The following UBE2K variants were observed in gnomAD, a reference collection of about 807,000 sequenced individuals.
UBE2K encodes the protein ubiquitin-conjugating enzyme E2 K.
A neutral mutation model predicts 30.0 loss-of-function variants in UBE2K; 6 were observed. The ratio of observed to expected loss-of-function variants is 0.20; its 90% CI spans 0.11 to 0.39. UBE2K has a LOEUF of 0.39. Ranked by LOEUF, UBE2K falls within the 10% of genes least tolerant of loss-of-function variation. The pLI, the probability that UBE2K is intolerant of heterozygous loss-of-function variation, is 1.00. For missense variants in UBE2K, 61 were observed against 241.6 expected, an observed-to-expected ratio of 0.25 and a Z score of 4.96; for synonymous variants, 86 against 83.7, an observed-to-expected ratio of 1.03 and a Z score of -0.15.
At chr4:39,748,430 CATA>C (rs1721089034) in intron 3 of UBE2K, among the ~76,000 whole-genome samples, 1 of 151,860 alleles carries the variant, frequency 6.6e-6, no homozygotes, top group Non-Finnish European at 1.5e-5. Context: ...AGACTCAAAA[CATA>C]ATAACTGAAG....
chr4:39,771,075 A>C, intron 4 of UBE2K: 1 of 1,612,510 alleles, frequency 6.2e-7, no homozygotes, highest in South Asian at 1.1e-5. Context: ...GGCTGAGGGC[A>C]TTCTGGCATT....
At chr4:39,750,100 A>T (rs1466862571) in intron 3 of UBE2K, among the ~76,000 whole-genome samples, 3 of 152,138 alleles carry the variant, frequency 2.0e-5, no homozygotes, top group Non-Finnish European at 2.9e-5. Context: ...AGGCTGAGGC[A>T]GGAGAATCGC....
intron 1 of UBE2K, among the ~76,000 whole-genome samples, chr4:39,702,601 A>T (rs28449607): frequency 6.6e-6 from 1 of 152,038 alleles, no homozygotes; most frequent in African/African-American, 2.4e-5. Context: ...GGCATAAACA[A>T]ATTGGTTTCG....
At chr4:39,748,170 A>G (rs1483894069) in intron 3 of UBE2K, among the ~76,000 whole-genome samples, 2 of 152,280 alleles carry the variant, frequency 1.3e-5, no homozygotes, top group East Asian at 1.9e-4. Flanking sequence ...AGGCAGTTCA[A>G]CCTGTAACTT....
At chr4:39,736,310 A>G (rs1268107332) in intron 1 of UBE2K, among the ~76,000 whole-genome samples, 2 of 152,172 alleles carry the variant, frequency 1.3e-5, no homozygotes, top group African/African-American at 4.8e-5. Flanking sequence ...AAAATAACAA[A>G]AATTAGCTGA....
chr4:39,782,192 A>G lies in UBE2K; in HGVS notation c.*3758A>G, dbSNP rs930812217. 2 of 379,174 alleles carry G rather than the reference A, an allele frequency of 5.3e-6. No homozygotes were observed. The highest frequency in any genetic ancestry group is 9.4e-6 in the Non-Finnish European group (2 of 213,722). The allele number at this position is 379,174 out of a possible 1,614,324, so 23.5% of individuals were successfully genotyped here. On this transcript the variant is annotated 3_prime_UTR_variant, in exon 7 of 7. Transcript: ENST00000261427. ...GGTTATTTCAACCATGCTGCTATATATAATCAGGTGTGGCACAGTTTGTCA... is the reference window on the plus strand; with the variant it reads ...GGTTATTTCAACCATGCTGCTATATGTAATCAGGTGTGGCACAGTTTGTCA...
chr4:39,761,820 C>T (rs1711964976), intron 4 of UBE2K, among the ~76,000 whole-genome samples: 1 of 152,000 alleles, frequency 6.6e-6, no homozygotes, highest in African/African-American at 2.4e-5. Flanking sequence ...AAATTGCACA[C>T]ATTTCTTTAT....
At chr4:39,703,714 G>T (rs1296724217) in intron 1 of UBE2K, among the ~76,000 whole-genome samples, 1 of 151,788 alleles carries the variant, frequency 6.6e-6, no homozygotes, top group African/African-American at 2.4e-5. Context: ...GGGCATGGTG[G>T]TGAGTGCCTG....
intron 1 of UBE2K, among the ~76,000 whole-genome samples, chr4:39,704,028 G>A (rs769777403): frequency 1.1e-4 from 16 of 151,388 alleles, no homozygotes; most frequent in African/African-American, 1.5e-4. Flanking sequence ...AAAATTTCTC[G>A]CTTTTGATTT....
At chr4:39,733,033 GC>G (rs1720159664) in intron 1 of UBE2K, among the ~76,000 whole-genome samples, 1 of 117,472 alleles carries the variant, frequency 8.5e-6, no homozygotes, top group African/African-American at 3.1e-5. Context: ...ATGCCTTGAA[GC>G]CCCCAGGGAA....
In UBE2K at chr4:39,781,826, A is replaced by G. The variant is rs1713630141; in HGVS notation, c.*3392A>G. ...CAAGGAATTTCAATTCCAGGGTACAAACCATTGATTTAAAAATTACGTTTC... is the reference window on the plus strand; with the variant it reads ...CAAGGAATTTCAATTCCAGGGTACAGACCATTGATTTAAAAATTACGTTTC... On this transcript the variant is annotated 3_prime_UTR_variant, in exon 7 of 7. Transcript: ENST00000261427. The G allele has an allele frequency of 1.0e-5, 4 of 397,640 alleles. No individual in the cohort carries two copies. The Middle Eastern group carries it at 1.9e-3, about 188-fold the overall frequency. 24.6% of individuals were successfully genotyped at this position (397,640 alleles called of 1,614,324 possible). A position where few individuals can be genotyped will look rare whatever the true frequency, so the allele number is the denominator to read the frequency against.
intron 3 of UBE2K, among the ~76,000 whole-genome samples, chr4:39,754,875 G>A (rs1231617385): frequency 6.6e-6 from 1 of 152,144 alleles, no homozygotes; most frequent in Admixed American, 6.5e-5. Flanking sequence ...GGCTCAGCTG[G>A]TCATTGTCAT....
intron 4 of UBE2K, among the ~76,000 whole-genome samples, chr4:39,760,329 G>C (rs1156665190): frequency 2.6e-5 from 4 of 151,840 alleles, no homozygotes; most frequent in African/African-American, 9.7e-5. Flanking sequence ...TAGTGTCTAT[G>C]CCTACTTTTT....
rs781278062 is a variant in UBE2K, at chr4:39,778,438, A to G, written c.*4A>G. The G allele has an allele frequency of 1.2e-6, 2 of 1,604,462 alleles. No homozygotes were observed. The highest frequency in any genetic ancestry group is 1.3e-5 in the African/African-American group (1 of 74,694). On this transcript the variant is annotated 3_prime_UTR_variant, in exon 7 of 7. Transcript: ENST00000261427. The stretch of plus-strand genomic sequence containing the variant: ...AGAATTGCTTCTGAGTAACTGAGGC[A>G]TAGAGAGCTGCTGATATAGTCAAGC...
At chr4:39,750,324 G>A (rs1056059799) in intron 3 of UBE2K, among the ~76,000 whole-genome samples, 1 of 152,212 alleles carries the variant, frequency 6.6e-6, no homozygotes, top group Non-Finnish European at 1.5e-5. Context: ...AAACTAAAGA[G>A]TGAATGAAAT....
chr4:39,773,793 C>T (rs991019571), intron 4 of UBE2K, among the ~76,000 whole-genome samples: 2 of 150,810 alleles, frequency 1.3e-5, no homozygotes, highest in African/African-American at 4.9e-5. Flanking sequence ...TGGTGGCGGG[C>T]GCCTGTTGTC....
Position 39,757,010 on chromosome 4 carries a change from TG to T in UBE2K, c.299+1272del, listed in dbSNP as rs372722223. Among the ~76,000 whole-genome samples, 243 of 109,690 alleles carry T rather than the reference TG, an allele frequency of 2.2e-3. 1 individual carries two copies. Among genetic ancestry groups the T allele is most frequent in the African/African-American group, 8.4e-3 (224 of 26,730 alleles). 72.0% of individuals were successfully genotyped at this position (109,690 alleles called of 152,430 possible). On this transcript the variant is annotated intron_variant, in intron 4 of 6. Coordinates refer to ENST00000261427, the MANE Select transcript of UBE2K (RefSeq NM_005339.5). ...TATGTTTTTTTGGGTGTTTTTTTTTTGTTTTTTGTTTTTTGTTTTTTGTTTT... is the reference window on the plus strand; with the variant it reads ...TATGTTTTTTTGGGTGTTTTTTTTTTTTTTTTGTTTTTTGTTTTTTGTTTT...
chr4:39,776,435 A>C (rs1359157342), intron 5 of UBE2K, among the ~76,000 whole-genome samples: 3 of 152,158 alleles, frequency 2.0e-5, no homozygotes, highest in Non-Finnish European at 4.4e-5. Context: ...CTTCACTAAC[A>C]AAAACTTGTT....
intron 4 of UBE2K, among the ~76,000 whole-genome samples, chr4:39,757,007 TTTTGTTTTTTGTTTTTTGTTTTTTG>T (rs1721557190): frequency 8.5e-6 from 1 of 117,618 alleles, no homozygotes; most frequent in Admixed American, 1.0e-4. Context: ...GGTGTTTTTT[TTTTGTTTTTTGTTTTTTGTTTTTTG>T]TTTTTTTTTT....
Sources: gnomAD v4.1 joint callset for allele counts (sites outside exome capture counted in the v4.1 genomes callset) on GRCh38, gnomAD v4.1.1 for gene constraint, MANE v1.5 for transcripts, NCBI Gene and HGNC (gene_info 2026-07-23, HGNC 2026-07-21) for gene names.